Variants in KCTD4 observed in about 807,000 individuals in gnomAD.
KCTD4 encodes the protein potassium channel tetramerization domain containing 4.
Under a neutral mutation model 18.3 loss-of-function variants are expected in KCTD4, and 12 were observed. The ratio of observed to expected loss-of-function variants is 0.66; its 90% CI spans 0.42 to 1.06. The LOEUF (loss-of-function observed/expected upper bound fraction) is 1.06. KCTD4 is among the 50% of genes least tolerant of loss of function. The pLI is 0.00. For synonymous variants in KCTD4, 124 were observed against 110.5 expected, an observed-to-expected ratio of 1.12 and a Z score of -0.76; for missense variants, 250 against 303.4, an observed-to-expected ratio of 0.82 and a Z score of 1.31.
At position 45,200,954 on chromosome 13, in the gene KCTD4, G is replaced by C. The variant is rs1248793112; in HGVS notation, c.-318C>G. ...GAGGATCAGCCTGAAATGTTGGTCA[G>C]TAGTCCTCTGGTCTGGGTTTTTACA... On this transcript the variant is annotated 5_prime_UTR_variant, in exon 1 of 2. Coordinates refer to ENST00000379108, the MANE Select transcript of KCTD4 (RefSeq NM_198404.3). Among the ~76,000 whole-genome samples, 1 of 152,222 alleles carries C rather than the reference G, an allele frequency of 6.6e-6. No individual in the cohort carries two copies. Among genetic ancestry groups the C allele is most frequent in the Admixed American group, 6.5e-5 (1 of 15,280 alleles).
chr13:45,195,771 A>G (rs1402401045), intron 1 of KCTD4, among the ~76,000 whole-genome samples: 1 of 152,190 alleles, frequency 6.6e-6, no homozygotes, highest in African/African-American at 2.4e-5. Context: ...TATTTGGCCT[A>G]TCTGCTAAAT....
intron 1 of KCTD4, among the ~76,000 whole-genome samples, chr13:45,200,565 A>AT (rs1183058167): frequency 6.6e-6 from 1 of 152,152 alleles, no homozygotes; most frequent in Non-Finnish European, 1.5e-5. Context: ...AAGTGTTGGG[A>AT]TTACAGATGT....
chr13:45,200,177 C>G lies in KCTD4; in HGVS notation c.-188+647G>C, dbSNP rs149113317. On this transcript the variant is annotated intron_variant, in intron 1 of 1. Coordinates refer to ENST00000379108, the MANE Select transcript of KCTD4 (RefSeq NM_198404.3). ...TGAAATATTTGAGCAGCTCTGTGAGCTATTCCCTCCGTATCACAAGAAAGT... is the reference window on the plus strand; with the variant it reads ...TGAAATATTTGAGCAGCTCTGTGAGGTATTCCCTCCGTATCACAAGAAAGT... Among the ~76,000 whole-genome samples, 63 of 151,998 alleles carry G rather than the reference C, an allele frequency of 4.1e-4. No individual in the cohort carries two copies. The East Asian group carries it at 0.012, about 28-fold the overall frequency.
rs1377383812 is a variant in KCTD4, at chr13:45,193,119, T to C, written c.*669A>G. 1.3e-5 allele frequency: 2 copies of C among 152,252 alleles called. No homozygotes were observed. Among genetic ancestry groups the C allele is most frequent in the Admixed American group, 1.3e-4 (2 of 15,290 alleles). 9.4% of individuals were successfully genotyped at this position (152,252 alleles called of 1,614,324 possible). ...ATCAAAGAAGGTAGCAGTGCTTTTA[T>C]TTACTTTTTATTGTCATCAAGCAGT... On this transcript the variant is annotated 3_prime_UTR_variant, in exon 2 of 2. Coordinates refer to ENST00000379108, the MANE Select transcript of KCTD4 (RefSeq NM_198404.3).
At chr13:45,200,449 G>A (rs1873123025) in intron 1 of KCTD4, among the ~76,000 whole-genome samples, 1 of 152,174 alleles carries the variant, frequency 6.6e-6, no homozygotes, top group South Asian at 2.1e-4. Context: ...TGGGGCCACA[G>A]GCATACCCCA....
At position 45,193,761 on chromosome 13, in the gene KCTD4, T is replaced by G. The variant is rs757957755; in HGVS notation, c.*27A>C. 1 of 1,545,420 alleles carries G rather than the reference T, an allele frequency of 6.5e-7. No individual in the cohort carries two copies. Among genetic ancestry groups the G allele is most frequent in the Non-Finnish European group, 8.7e-7 (1 of 1,150,346 alleles). ...TTCCGAAGCTTGCTGGCTGCATGCT[T>G]GTTGCCTTTGTTCGTGACACAGGTA... is the stretch of plus-strand genomic sequence containing the variant. On this transcript the variant is annotated 3_prime_UTR_variant, in exon 2 of 2. Transcript: ENST00000379108.
At chr13:45,199,568 A>G (rs1443138415) in intron 1 of KCTD4, among the ~76,000 whole-genome samples, 2 of 152,176 alleles carry the variant, frequency 1.3e-5, no homozygotes, top group East Asian at 1.9e-4. Flanking sequence ...GGAAAATTCT[A>G]TTGTAACCAG....
rs949732704 is a variant in KCTD4 at position 45,194,413 on chromosome 13, G to A, written c.155C>T (p.Thr52Ile). 1 of 1,614,028 alleles carries A rather than the reference G, an allele frequency of 6.2e-7. No individual in the cohort carries two copies. Among genetic ancestry groups the A allele is most frequent in the African/African-American group, 1.3e-5 (1 of 74,920 alleles). The part of the protein sequence containing the change: ...YLYITQKQTL[T>I]KYPDTFLEGI... ...TTCAAGGAAAGTGTCTGGGTACTTG[G>A]TCAGTGTTTGTTTTTGAGTAATGTA... Residue 52 changes from threonine to isoleucine, a missense_variant, in exon 2 of 2, where the codon ACC becomes ATC. Thr to Ile is a moderately conservative substitution (Grantham distance 89, BLOSUM62 -1). Coordinates refer to ENST00000379108, the MANE Select transcript of KCTD4 (RefSeq NM_198404.3).
chr13:45,197,776 A>G (rs555076970), intron 1 of KCTD4, among the ~76,000 whole-genome samples: 5 of 152,222 alleles, frequency 3.3e-5, no homozygotes, highest in Admixed American at 2.6e-4. Context: ...CCCTAAAACT[A>G]TAAAAATGGT....
At position 45,194,436 on chromosome 13, in the gene KCTD4, G is replaced by A. The variant is rs1872787653; in HGVS notation, c.132C>T (p.Tyr44=). ...TGGTCAGTGTTTGTTTTTGAGTAAT[G>A]TATAAATATCCACCAACGTTGAGGG... ...LMTLNVGGYL[Y]ITQKQTLTKY... is the part of the protein sequence containing the mutation. The change falls in exon 2 of 2, where the codon TAC becomes TAT. Residue 44 remains tyrosine (Y), a synonymous_variant. Transcript: ENST00000379108. The A allele has an allele frequency of 4.3e-6, 7 of 1,614,182 alleles. No homozygotes were observed. The highest frequency in any genetic ancestry group is 5.9e-6 in the Non-Finnish European group (7 of 1,180,000).
At chr13:45,200,148 TTGA>T (rs1173523705) in intron 1 of KCTD4, among the ~76,000 whole-genome samples, 1 of 152,204 alleles carries the variant, frequency 6.6e-6, no homozygotes, top group East Asian at 1.9e-4. Flanking sequence ...CATCTTATAG[TTGA>T]TGAAATATTT....
rs1371479834 is a variant in KCTD4 at position 45,194,597 on chromosome 13, T to C, written c.-30A>G. On this transcript the variant is annotated 5_prime_UTR_variant, in exon 2 of 2. Coordinates refer to ENST00000379108, the MANE Select transcript of KCTD4 (RefSeq NM_198404.3). ...TGAAGATGCTATTTCAGCTTGTTCT[T>C]CTTGGCTTTGAGATTTTTTAAAAAG... The C allele has an allele frequency of 1.3e-6, 2 of 1,580,546 alleles. No individual in the cohort carries two copies. The highest frequency in any genetic ancestry group is 1.7e-6 in the Non-Finnish European group (2 of 1,163,410).
chr13:45,200,381 G>A (rs1239588984), intron 1 of KCTD4, among the ~76,000 whole-genome samples: 1 of 151,862 alleles, frequency 6.6e-6, no homozygotes, highest in East Asian at 1.9e-4. Context: ...GGAGTGTATT[G>A]CAACCTCAAC....
intron 1 of KCTD4, among the ~76,000 whole-genome samples, chr13:45,199,212 G>A (rs953874347): frequency 6.6e-6 from 1 of 152,186 alleles, no homozygotes; most frequent in African/African-American, 2.4e-5. Context: ...GTGTTGAACT[G>A]CGTCTTCAAG....
intron 1 of KCTD4, among the ~76,000 whole-genome samples, chr13:45,195,507 G>C (rs945264082): frequency 1.3e-5 from 2 of 150,954 alleles, no homozygotes; most frequent in Non-Finnish European, 2.9e-5. Context: ...CTACAAAATA[G>C]TGTCATGGGT....
chr13:45,197,509 C>CA (rs1195927657), intron 1 of KCTD4, among the ~76,000 whole-genome samples: 23,424 of 91,294 alleles, frequency 0.26, 2,369 homozygotes, highest in Non-Finnish European at 0.29. Flanking sequence ...ACCCTGTCTC[C>CA]AAAAAAAAAA....
Position 45,194,028 on chromosome 13 carries a change from C to T in KCTD4, c.540G>A (p.Leu180=). The T allele has an allele frequency of 6.2e-7, 1 of 1,614,088 alleles. No individual in the cohort carries two copies. Among genetic ancestry groups the T allele is most frequent in the African/African-American group, 1.3e-5 (1 of 75,036 alleles). The change falls in exon 2 of 2, where the codon CTG becomes CTA. Residue 180 remains leucine (L), a synonymous_variant. Coordinates refer to ENST00000379108, the MANE Select transcript of KCTD4 (RefSeq NM_198404.3). The part of the protein sequence containing the change: ...SRIVLVSKSR[L]DGFPEEFSIS... Reference sequence around the variant, plus strand: ...TTGAAAACTCCTCTGGAAATCCATCCAGCCTGCTTTTGGACACCAGAACAA... The same window carrying T: ...TTGAAAACTCCTCTGGAAATCCATCTAGCCTGCTTTTGGACACCAGAACAA...
At chr13:45,198,952 C>A (rs780088466) in intron 1 of KCTD4, among the ~76,000 whole-genome samples, 1 of 152,146 alleles carries the variant, frequency 6.6e-6, no homozygotes, top group Non-Finnish European at 1.5e-5. Flanking sequence ...TAATGTAATT[C>A]TTTTTGAGTG....
intron 1 of KCTD4, among the ~76,000 whole-genome samples, chr13:45,196,767 A>G (rs1213985684): frequency 6.6e-6 from 1 of 152,136 alleles, no homozygotes; most frequent in Non-Finnish European, 1.5e-5. Context: ...CTGTCTATAG[A>G]TGTCTTCATG....
Sources: allele counts gnomAD v4.1 joint callset (sites outside exome capture counted in the v4.1 genomes callset), GRCh38; gene constraint gnomAD v4.1.1; transcripts MANE v1.5; gene names NCBI Gene and HGNC (gene_info 2026-07-23, HGNC 2026-07-21).